Variants in SGK3 observed in about 807,000 individuals in gnomAD.
SGK3 encodes serum/glucocorticoid regulated kinase family member 3, also known as serine/threonine-protein kinase Sgk3.
SGK3 carries 47 observed loss-of-function variants against 68.5 expected under a neutral mutation model. The observed-to-expected ratio is 0.69, with a 90% CI of 0.54 to 0.87. The LOEUF (loss-of-function observed/expected upper bound fraction) is 0.87, where lower values mean the gene tolerates loss of function less well. SGK3 is among the 40% of genes least tolerant of loss of function. The probability of loss-of-function intolerance (pLI) is 0.00; values close to 1 mark genes in which losing one functional copy is unlikely to be tolerated. For missense variants in SGK3, 479 were observed against 575.5 expected (o/e 0.83, Z 1.72); for synonymous variants, 181 against 189.1 (o/e 0.96, Z 0.35).
intron 1 of SGK3, among the ~76,000 whole-genome samples, chr8:66,752,801 A>G (rs77399033): frequency 0.13 from 19,013 of 152,076 alleles, 2,211 homozygotes; most frequent in African/African-American, 0.31. Context: ...CTTGGGGAGA[A>G]GGGAGAGTAA....
chr8:66,745,555 C>G (rs1585659513), intron 1 of SGK3, among the ~76,000 whole-genome samples: 1 of 151,500 alleles, frequency 6.6e-6, no homozygotes, highest in Non-Finnish European at 1.5e-5. Flanking sequence ...GCCTGGGCAA[C>G]AGAGAGAGAC....
chr8:66,713,028 G>A (rs1420477674), intron 1 of SGK3, among the ~76,000 whole-genome samples, 195 bp downstream of exon 1: 7 of 152,210 alleles, frequency 4.6e-5, no homozygotes, highest in Admixed American at 3.3e-4. Flanking sequence ...TTCAGATCCT[G>A]CCTCGAGATT....
intron 1 of SGK3, among the ~76,000 whole-genome samples, chr8:66,744,753 G>A (rs1225522003): frequency 2.7e-5 from 4 of 149,924 alleles, no homozygotes; most frequent in Non-Finnish European, 5.9e-5. Context: ...TGATCCACCC[G>A]CCTTGGCCTC....
chr8:66,715,037 C>G (rs1419148186), intron 1 of SGK3, among the ~76,000 whole-genome samples: 2 of 152,202 alleles, frequency 1.3e-5, no homozygotes, highest in African/African-American at 4.8e-5. Flanking sequence ...CAGGCCTAAT[C>G]CAATGCCTCT....
chr8:66,742,798 A>T (rs1805520378), intron 1 of SGK3, among the ~76,000 whole-genome samples: 1 of 152,140 alleles, frequency 6.6e-6, no homozygotes, highest in African/African-American at 2.4e-5. Flanking sequence ...TTGCTGTTGG[A>T]GTAAGATCAG....
chr8:66,753,670 C>G (rs1293756498), intron 1 of SGK3, among the ~76,000 whole-genome samples: 1 of 151,994 alleles, frequency 6.6e-6, no homozygotes, highest in Non-Finnish European at 1.5e-5. Flanking sequence ...ACTAAAAATA[C>G]AAAATTAGCT....
intron 1 of SGK3, among the ~76,000 whole-genome samples, chr8:66,741,306 T>C (rs1192797070): frequency 1.3e-5 from 2 of 152,092 alleles, no homozygotes; most frequent in African/African-American, 4.8e-5. Flanking sequence ...TTGCAACACT[T>C]TGGGAGGCCT....
intron 10 of SGK3, among the ~76,000 whole-genome samples, chr8:66,838,628 A>G (rs1297701976): frequency 6.6e-6 from 1 of 152,140 alleles, no homozygotes; most frequent in Non-Finnish European, 1.5e-5. Context: ...CTTTTTGTAC[A>G]GTGACTGCTC....
chr8:66,774,228 T>C (rs552184028), intron 1 of SGK3, among the ~76,000 whole-genome samples: 1 of 152,328 alleles, frequency 6.6e-6, no homozygotes, highest in South Asian at 2.1e-4. Flanking sequence ...TAGGCTGGCC[T>C]CTTGGCATTA....
intron 1 of SGK3, among the ~76,000 whole-genome samples, chr8:66,740,435 A>G (rs1805445234): frequency 6.6e-6 from 1 of 152,118 alleles, no homozygotes; most frequent in Admixed American, 6.6e-5. Flanking sequence ...ATTTTTATCC[A>G]TTTCATTATA....
At chr8:66,857,782 C>CA (rs1175658683) in intron 16 of SGK3, among the ~76,000 whole-genome samples, 5 of 143,456 alleles carry the variant, frequency 3.5e-5, no homozygotes, top group African/African-American at 1.0e-4. Context: ...GACCCTGTCT[C>CA]AAAAAAGTGT....
intron 1 of SGK3, among the ~76,000 whole-genome samples, chr8:66,742,397 T>C (rs772527902): frequency 6.6e-6 from 1 of 152,214 alleles, no homozygotes; most frequent in African/African-American, 2.4e-5. Flanking sequence ...AGACAGGGTC[T>C]CACTCTGTTG....
chr8:66,763,864 T>G (rs1016683637), intron 1 of SGK3, among the ~76,000 whole-genome samples: 1 of 152,072 alleles, frequency 6.6e-6, no homozygotes, highest in East Asian at 1.9e-4. Context: ...TTTTAAAAAG[T>G]TATTATTACT....
chr8:66,713,253 T>C (rs1354935135), intron 1 of SGK3, among the ~76,000 whole-genome samples: 1 of 152,222 alleles, frequency 6.6e-6, no homozygotes, highest in Non-Finnish European at 1.5e-5. Flanking sequence ...AAGACCTTAA[T>C]ACGTTGCGTC....
intron 14 of SGK3, among the ~76,000 whole-genome samples, chr8:66,844,937 C>T (rs1304849915): frequency 6.6e-6 from 1 of 152,160 alleles, no homozygotes; most frequent in Non-Finnish European, 1.5e-5. Flanking sequence ...CCACTTTATA[C>T]CTGATTTCCC....
At chr8:66,713,914 C>G (rs553200986) in intron 1 of SGK3, among the ~76,000 whole-genome samples, 1 of 152,140 alleles carries the variant, frequency 6.6e-6, no homozygotes, top group Admixed American at 6.6e-5. Context: ...AGCCACCACC[C>G]CAGCATTTCC....
chr8:66,835,853 T>A lies in SGK3; in HGVS notation c.609+7T>A. The A allele has an allele frequency of 6.2e-7, 1 of 1,609,954 alleles. No individual in the cohort carries two copies. The highest frequency in any genetic ancestry group is 8.5e-7 in the Non-Finnish European group (1 of 1,179,026). On this transcript the variant is annotated splice_region_variant and intron_variant, in intron 9 of 16. Coordinates refer to ENST00000521198, the MANE Select transcript of SGK3 (RefSeq NM_001033578.3). ...AGTTCTCAACAGAAAAGAGGTAAAA[T>A]AAAATAGTTGTTTCTCTCAAGCCCA...
chr8:66,738,884 C>T (rs867141851), intron 1 of SGK3, among the ~76,000 whole-genome samples: 2 of 152,154 alleles, frequency 1.3e-5, no homozygotes, highest in South Asian at 2.1e-4. Flanking sequence ...CCTGCCTTGG[C>T]CTCCCACAGT....
intron 1 of SGK3, among the ~76,000 whole-genome samples, chr8:66,722,511 A>G (rs1804824042): frequency 6.6e-6 from 1 of 152,182 alleles, no homozygotes; most frequent in South Asian, 2.1e-4. Flanking sequence ...TGACCTCGTG[A>G]TCCGCCCACC....
Sources: gnomAD v4.1 joint callset for allele counts (sites outside exome capture counted in the v4.1 genomes callset) on GRCh38, gnomAD v4.1.1 for gene constraint, MANE v1.5 for transcripts, NCBI Gene and HGNC (gene_info 2026-07-23, HGNC 2026-07-21) for gene names.